Variants in HDLBP observed in about 807,000 individuals in gnomAD.
The protein encoded by HDLBP is vigilin.
Under a neutral mutation model 137.3 loss-of-function variants are expected in HDLBP, and 30 were observed. The ratio of observed to expected loss-of-function variants is 0.22; its 90% CI spans 0.16 to 0.30. The LOEUF (loss-of-function observed/expected upper bound fraction) is 0.30. Among genes scored for constraint, HDLBP ranks in the 10% least tolerant of loss-of-function variants. HDLBP has a pLI of 1.00. For missense variants in HDLBP, 1,119 were observed against 1,667.3 expected (o/e 0.67, Z 5.73); for synonymous variants, 606 against 596.0 (o/e 1.02, Z -0.24).
At chr2:241,277,306 T>C (rs2074425869) in intron 1 of HDLBP, among the ~76,000 whole-genome samples, 1 of 151,728 alleles carries the variant, frequency 6.6e-6, no homozygotes, top group African/African-American at 2.4e-5. Context: ...AACACCAGAA[T>C]AAACAAAAGA....
chr2:241,265,621 C>T (rs957650969), intron 3 of HDLBP, among the ~76,000 whole-genome samples: 1 of 152,194 alleles, frequency 6.6e-6, no homozygotes, highest in Non-Finnish European at 1.5e-5. Context: ...TAACCCAAAT[C>T]CCCAGGACTG....
chr2:241,282,339 G>A (rs966426247), intron 1 of HDLBP, among the ~76,000 whole-genome samples: 6 of 152,174 alleles, frequency 3.9e-5, no homozygotes, highest in Non-Finnish European at 8.8e-5. Flanking sequence ...AAAATCTGAA[G>A]ACTCAAAAAA....
At position 241,272,958 on chromosome 2, in the gene HDLBP, C is replaced by A; in HGVS notation, c.-102-4417G>T. ...CCGGGCCGCCCAGCACCCGGGAGGC[C>A]CACCCAACTGCAGGCGTGGTTCTGC... On this transcript the variant is annotated intron_variant, in intron 1 of 27. Transcript: ENST00000310931. The surrounding 1 kb of genome is among the most constrained non-coding windows in gnomAD (Gnocchi z 5.6). 1.1e-6 allele frequency: 1 copy of A among 947,600 alleles called. No homozygotes were observed. Among genetic ancestry groups the A allele is most frequent in the Non-Finnish European group, 1.3e-6 (1 of 795,256 alleles). The allele number at this position is 947,600 out of a possible 1,614,324, so 58.7% of individuals were successfully genotyped here.
intron 1 of HDLBP, among the ~76,000 whole-genome samples, chr2:241,309,412 C>T (rs778195020): frequency 1.3e-5 from 2 of 152,192 alleles, no homozygotes; most frequent in South Asian, 2.1e-4. Flanking sequence ...TGATAGTAAA[C>T]GATTTTTTCT....
At chr2:241,285,577 A>G (rs559299823) in intron 1 of HDLBP, among the ~76,000 whole-genome samples, 2 of 152,342 alleles carry the variant, frequency 1.3e-5, no homozygotes, top group South Asian at 2.1e-4. Flanking sequence ...TGTGCTTAGT[A>G]AGACTCAGTT....
chr2:241,252,899 A>ACC lies in HDLBP; in HGVS notation c.1372+56_1372+57dup. 3 of 1,164,776 alleles carry ACC rather than the reference A, an allele frequency of 2.6e-6. No homozygotes were observed. The South Asian group carries it at 3.8e-5, about 15-fold the overall frequency. 72.2% of individuals were successfully genotyped at this position (1,164,776 alleles called of 1,614,324 possible). A position where few individuals can be genotyped will look rare whatever the true frequency, so the allele number is the denominator to read the frequency against. On this transcript the variant is annotated intron_variant, in intron 11 of 27. Transcript: ENST00000310931. Reference sequence around the variant, plus strand: ...GGACGTCACAGTTCTCACAGCTGACACCCCCCACAAGGGTCTCAGGGCACA... The same window carrying ACC: ...GGACGTCACAGTTCTCACAGCTGACACCCCCCCCACAAGGGTCTCAGGGCACA...
At chr2:241,231,857 A>G (rs1237038535) in intron 24 of HDLBP, among the ~76,000 whole-genome samples, 1 of 152,168 alleles carries the variant, frequency 6.6e-6, no homozygotes, top group Non-Finnish European at 1.5e-5. Flanking sequence ...TGTCCACAAC[A>G]CAAAAACCAC....
intron 1 of HDLBP, among the ~76,000 whole-genome samples, chr2:241,296,659 T>C (rs1324604799): frequency 6.6e-6 from 1 of 152,214 alleles, no homozygotes; most frequent in East Asian, 1.9e-4. Context: ...TAGATGTTCA[T>C]CTTCATGCAG....
At chr2:241,260,922 G>A (rs1007259083) in intron 5 of HDLBP, among the ~76,000 whole-genome samples, 1 of 152,174 alleles carries the variant, frequency 6.6e-6, no homozygotes, top group Non-Finnish European at 1.5e-5. Flanking sequence ...TGGGCGTGGT[G>A]GCTCACACCT....
At chr2:241,236,869 G>A in intron 20 of HDLBP, 100 bp from the exon 21 acceptor site, 1 of 1,302,680 alleles carries the variant, frequency 7.7e-7, no homozygotes, top group East Asian at 2.3e-5. Flanking sequence ...TGGGTGCTGG[G>A]TGGTAAAAGG....
At chr2:241,274,496 T>C (rs527275977) in intron 1 of HDLBP, among the ~76,000 whole-genome samples, 4 of 152,288 alleles carry the variant, frequency 2.6e-5, no homozygotes, top group Admixed American at 2.6e-4. Flanking sequence ...TGTTGCTGTT[T>C]TGTTTTTGAG....
At chr2:241,311,884 A>G (rs1469092620) in intron 1 of HDLBP, among the ~76,000 whole-genome samples, 1 of 152,242 alleles carries the variant, frequency 6.6e-6, no homozygotes, top group East Asian at 1.9e-4. Context: ...GCAGAGGGTG[A>G]AAGAAAGCTA....
intron 5 of HDLBP, among the ~76,000 whole-genome samples, chr2:241,257,805 A>C (rs2072783656): frequency 6.6e-6 from 1 of 152,236 alleles, no homozygotes; most frequent in African/African-American, 2.4e-5. Flanking sequence ...AGGTGTTAAC[A>C]GTGGTCCTAG....
At chr2:241,263,457 G>A (rs1005726313) in intron 4 of HDLBP, among the ~76,000 whole-genome samples, 23 of 152,274 alleles carry the variant, frequency 1.5e-4, no homozygotes, top group African/African-American at 5.5e-4. Flanking sequence ...CCCTCCCGTT[G>A]CTTTATGGAG....
chr2:241,312,395 A>G (rs1418471572), intron 1 of HDLBP, among the ~76,000 whole-genome samples: 1 of 152,260 alleles, frequency 6.6e-6, no homozygotes, highest in East Asian at 1.9e-4. Flanking sequence ...ATACCAAAAA[A>G]TAACATGTAA....
intron 1 of HDLBP, among the ~76,000 whole-genome samples, chr2:241,279,271 A>C (rs1575011445): frequency 6.6e-6 from 1 of 152,224 alleles, no homozygotes; most frequent in Admixed American, 6.5e-5. Flanking sequence ...CAGATTTTAT[A>C]CAATTTTTAT....
At chr2:241,301,859 A>G (rs2075406414) in intron 1 of HDLBP, among the ~76,000 whole-genome samples, 1 of 152,106 alleles carries the variant, frequency 6.6e-6, no homozygotes, top group Non-Finnish European at 1.5e-5. Flanking sequence ...ATCTTATAAT[A>G]TTGAAAAGGA....
Position 241,238,607 on chromosome 2 carries a change from C to T in HDLBP, c.2749+42G>A, listed in dbSNP as rs201383370. On this transcript the variant is annotated intron_variant, in intron 20 of 27. Transcript: ENST00000310931. The surrounding 1 kb of genome is among the most constrained non-coding windows in gnomAD (Gnocchi z 4.9). Reference sequence around the variant, plus strand: ...ACAGCCCCGCCTCTCACATGGGAGGCGCCACTATTAACAAGCAGAGCAGGG... The same window carrying T: ...ACAGCCCCGCCTCTCACATGGGAGGTGCCACTATTAACAAGCAGAGCAGGG... 1.8e-5 allele frequency: 26 copies of T among 1,434,780 alleles called. 1 individual carries two copies. Among genetic ancestry groups the T allele is most frequent in the East Asian group, 1.5e-4 (6 of 40,294 alleles). 88.9% of individuals were successfully genotyped at this position (1,434,780 alleles called of 1,614,324 possible).
chr2:241,237,569 CA>C (rs2070700247), intron 20 of HDLBP, among the ~76,000 whole-genome samples: 1 of 152,092 alleles, frequency 6.6e-6, no homozygotes, highest in Admixed American at 6.6e-5. Flanking sequence ...GAAAAACTGG[CA>C]AATTTGAATA....
Sources: gnomAD v4.1 joint callset for allele counts (sites outside exome capture counted in the v4.1 genomes callset) on GRCh38, gnomAD v4.1.1 for gene constraint, Gnocchi (gnomAD v3.1) non-coding constraint, MANE v1.5 for transcripts, NCBI Gene and HGNC (gene_info 2026-07-23, HGNC 2026-07-21) for gene names.